Variants in SCFD2 observed in about 807,000 individuals in gnomAD.
The protein encoded by SCFD2 is sec1 family domain containing 2.
In SCFD2, 54 loss-of-function variants were observed where a neutral mutation model predicts 58.9. The observed-to-expected ratio is 0.92, with a 90% CI of 0.74 to 1.15. The LOEUF (loss-of-function observed/expected upper bound fraction) is 1.15. Among genes scored for constraint, SCFD2 ranks in the 50% most tolerant of loss-of-function variants. The probability of loss-of-function intolerance (pLI) is 0.00; values close to 1 mark genes in which losing one functional copy is unlikely to be tolerated. For synonymous variants in SCFD2, 321 were observed against 335.9 expected (o/e 0.96, Z 0.49); for missense variants, 805 against 836.6 (o/e 0.96, Z 0.47).
At chr4:52,883,593 G>A (rs922307502) in intron 8 of SCFD2, among the ~76,000 whole-genome samples, 8 of 152,134 alleles carry the variant, frequency 5.3e-5, no homozygotes, top group African/African-American at 1.9e-4. Flanking sequence ...CTTTGAAAAC[G>A]TCTGCATTTT....
chr4:52,949,185 A>G (rs911879874), intron 5 of SCFD2: 2 of 152,212 alleles, frequency 1.3e-5, no homozygotes, highest in African/African-American at 4.8e-5. Flanking sequence ...CATATTTTAC[A>G]TTTCATTCAA....
chr4:53,306,378 T>A (rs1732514900), intron 3 of SCFD2, among the ~76,000 whole-genome samples: 1 of 151,514 alleles, frequency 6.6e-6, no homozygotes, highest in Admixed American at 6.6e-5. Flanking sequence ...AAGAGCAGAG[T>A]GACATGAAGA....
At chr4:53,199,340 A>G (rs924364879) in intron 4 of SCFD2, among the ~76,000 whole-genome samples, 4 of 151,994 alleles carry the variant, frequency 2.6e-5, no homozygotes, top group African/African-American at 7.2e-5. Context: ...TATCTATCTG[A>G]TCGAATGAGA....
At chr4:52,975,513 A>AG (rs767073560) in intron 5 of SCFD2, among the ~76,000 whole-genome samples, 2 of 152,228 alleles carry the variant, frequency 1.3e-5, no homozygotes, top group Non-Finnish European at 2.9e-5. Context: ...TTAAAAAGTC[A>AG]GGAAACAACA....
intron 5 of SCFD2, among the ~76,000 whole-genome samples, chr4:53,057,781 G>A (rs1723389777): frequency 6.6e-6 from 1 of 152,018 alleles, no homozygotes; most frequent in Non-Finnish European, 1.5e-5. Flanking sequence ...ATAATTAGAG[G>A]CCTCTCATTA....
intron 5 of SCFD2, among the ~76,000 whole-genome samples, chr4:53,094,746 C>T (rs1466293018): frequency 1.3e-5 from 2 of 152,014 alleles, no homozygotes; most frequent in Admixed American, 6.6e-5. Context: ...TCCACTTCTC[C>T]GTTCAGCAAC....
At chr4:53,257,433 G>A (rs868342699) in intron 4 of SCFD2, among the ~76,000 whole-genome samples, 7 of 152,142 alleles carry the variant, frequency 4.6e-5, no homozygotes, top group South Asian at 2.1e-4. Context: ...CCTCCTAAGC[G>A]GAGAAGAGGT....
intron 2 of SCFD2, among the ~76,000 whole-genome samples, chr4:53,351,974 T>C (rs1734233924): frequency 6.6e-6 from 1 of 152,172 alleles, no homozygotes; most frequent in African/African-American, 2.4e-5. Context: ...CTAATACTTT[T>C]ATTTTTTCAA....
At chr4:53,075,982 T>C (rs1189767401) in intron 5 of SCFD2, among the ~76,000 whole-genome samples, 4 of 152,118 alleles carry the variant, frequency 2.6e-5, no homozygotes, top group African/African-American at 9.7e-5. Flanking sequence ...AAAAATGCAA[T>C]ATGTGCACAG....
chr4:52,930,775 G>C (rs1027175956), intron 5 of SCFD2, among the ~76,000 whole-genome samples: 1 of 152,086 alleles, frequency 6.6e-6, no homozygotes, highest in African/African-American at 2.4e-5. Context: ...TCATTAAGTT[G>C]TCTATTAAAT....
intron 5 of SCFD2, among the ~76,000 whole-genome samples, chr4:52,985,153 T>C (rs1475515544): frequency 6.6e-6 from 1 of 152,204 alleles, no homozygotes; most frequent in East Asian, 1.9e-4. Context: ...GATCATAAAA[T>C]ACTTATTTAA....
chr4:53,181,924 A>G (rs1166988767), intron 4 of SCFD2, among the ~76,000 whole-genome samples: 1 of 152,228 alleles, frequency 6.6e-6, no homozygotes, highest in African/African-American at 2.4e-5. Flanking sequence ...AGAATAAAAT[A>G]CCTAGGAATC....
chr4:52,876,984 G>A (rs554930783), intron 8 of SCFD2, among the ~76,000 whole-genome samples: 1 of 152,122 alleles, frequency 6.6e-6, no homozygotes, highest in South Asian at 2.1e-4. Flanking sequence ...ATTCCTCTCT[G>A]GCTGGGGTGA....
At chr4:53,349,117 T>C (rs1479281434) in intron 2 of SCFD2, among the ~76,000 whole-genome samples, 1 of 152,170 alleles carries the variant, frequency 6.6e-6, no homozygotes, top group Non-Finnish European at 1.5e-5. Flanking sequence ...TATGTATACA[T>C]GAACATAGCC....
chr4:53,148,153 A>G (rs1726391063), intron 4 of SCFD2, among the ~76,000 whole-genome samples: 1 of 152,192 alleles, frequency 6.6e-6, no homozygotes, highest in South Asian at 2.1e-4. Context: ...GTCTCCCCCC[A>G]GAGCAAAATG....
intron 5 of SCFD2, among the ~76,000 whole-genome samples, chr4:53,068,537 T>C (rs1723726383): frequency 6.6e-6 from 1 of 152,096 alleles, no homozygotes; most frequent in African/African-American, 2.4e-5. Context: ...TTCAATACTT[T>C]TTCCTGTGTA....
intron 5 of SCFD2, among the ~76,000 whole-genome samples, chr4:53,118,085 A>G (rs550117602): frequency 2.0e-5 from 3 of 152,360 alleles, no homozygotes; most frequent in Non-Finnish European, 4.4e-5. Flanking sequence ...ATGGACACAA[A>G]CACAATGTGA....
At chr4:52,945,905 A>C (rs1450168077) in intron 5 of SCFD2, 1 of 152,216 alleles carries the variant, frequency 6.6e-6, no homozygotes, top group Non-Finnish European at 1.5e-5. Flanking sequence ...TTTGGGATTT[A>C]TACATCGAAC....
chr4:53,063,727 G>T (rs4864442), intron 5 of SCFD2, among the ~76,000 whole-genome samples: 5,003 of 152,094 alleles, frequency 0.033, 266 homozygotes, highest in African/African-American at 0.12. Flanking sequence ...TTTGATGAAG[G>T]TCCCCAGAAT....
Sources: gnomAD v4.1 joint callset for allele counts (sites outside exome capture counted in the v4.1 genomes callset) on GRCh38, gnomAD v4.1.1 for gene constraint, MANE v1.5 for transcripts, NCBI Gene and HGNC (gene_info 2026-07-23, HGNC 2026-07-21) for gene names.